The following SH3TC2 variants were observed in gnomAD, a reference collection of about 807,000 sequenced individuals.
SH3TC2 encodes SH3 domain and tetratricopeptide repeats 2.
In SH3TC2, 87 loss-of-function variants were observed where a neutral mutation model predicts 124.5. That is an observed-to-expected ratio of 0.70 (90% CI 0.59 to 0.84). SH3TC2 has a LOEUF of 0.84. Among genes scored for constraint, SH3TC2 ranks in the 40% least tolerant of loss-of-function variants. SH3TC2 has a pLI of 0.00. For missense variants in SH3TC2, 1,536 were observed against 1,566.4 expected (o/e 0.98, Z 0.33); for synonymous variants, 634 against 628.5 (o/e 1.01, Z -0.13).
chr5:149,015,796 C>T (rs139078813), intron 12 of SH3TC2, among the ~76,000 whole-genome samples: 117 of 152,324 alleles, frequency 7.7e-4, no homozygotes, highest in African/African-American at 2.6e-3. Flanking sequence ...CCAGCCTCCA[C>T]TAATTGGTCA....
At chr5:149,011,862 G>T (rs1416109360) in intron 13 of SH3TC2, among the ~76,000 whole-genome samples, 1 of 152,188 alleles carries the variant, frequency 6.6e-6, no homozygotes, top group Non-Finnish European at 1.5e-5. Context: ...TGTACAGATA[G>T]TAATAAAACA....
intron 1 of SH3TC2, among the ~76,000 whole-genome samples, chr5:149,053,719 C>T (rs756276707): frequency 2.6e-5 from 4 of 152,206 alleles, no homozygotes; most frequent in Non-Finnish European, 5.9e-5. Flanking sequence ...TGAGTTTTCA[C>T]TTTCCCCACT....
chr5:149,026,830 T>C (rs1020333399), intron 11 of SH3TC2, 30 bp downstream of exon 11: 4 of 1,614,074 alleles, frequency 2.5e-6, no homozygotes, highest in East Asian at 2.2e-5. Context: ...CTTTTCTCTA[T>C]AGCTTCCCAG....
intron 8 of SH3TC2, among the ~76,000 whole-genome samples, chr5:149,033,670 A>G (rs938767313): frequency 1.3e-5 from 2 of 152,200 alleles, no homozygotes; most frequent in East Asian, 1.9e-4. Flanking sequence ...AAGAGCAAAG[A>G]GCAGATTGAA....
At position 149,028,146 on chromosome 5, in the gene SH3TC2, C is replaced by T. The variant is rs80338923; in HGVS notation, c.1586G>A (p.Arg529His). Residue 529 changes from arginine (R) to histidine (H), a missense_variant, in exon 11 of 17, where the codon CGT becomes CAT. This residue lies in a region of SH3TC2 where 1,102 missense variants were observed against 1,098.6 expected (regional missense o/e 1.00). Transcript: ENST00000515425. ...KKSHMTWAHA[R>H]LCFLLGRLSI... ...CAGCCGGCCCAGGAGGAAGCAGAGACGGGCATGGGCCCAGGTCATGTGGCT... is the reference window on the plus strand; with the variant it reads ...CAGCCGGCCCAGGAGGAAGCAGAGATGGGCATGGGCCCAGGTCATGTGGCT... The T allele has an allele frequency of 4.2e-5, 67 of 1,614,004 alleles. No individual in the cohort carries two copies. Among genetic ancestry groups the T allele is most frequent in the Middle Eastern group, 1.6e-4 (1 of 6,082 alleles).
At position 148,999,072 on chromosome 5, in the gene SH3TC2, A is replaced by T. The variant is rs1753555375; in HGVS notation, c.*5639T>A. 6.6e-6 allele frequency among the ~76,000 whole-genome samples: 1 copy of T among 152,196 alleles called. No homozygotes were observed. Among genetic ancestry groups the T allele is most frequent in the South Asian group, 2.1e-4 (1 of 4,826 alleles). Reference sequence around the variant, plus strand: ...GACATTCATACCAAGCCATCCATACATCTCGTCTCAATTAAAAGTCTGAGC... The same window carrying T: ...GACATTCATACCAAGCCATCCATACTTCTCGTCTCAATTAAAAGTCTGAGC... On this transcript the variant is annotated 3_prime_UTR_variant, in exon 17 of 17. Coordinates refer to ENST00000515425, the MANE Select transcript of SH3TC2 (RefSeq NM_024577.4).
chr5:149,008,731 T>C, intron 15 of SH3TC2, 120 bp downstream of exon 15: 1 of 1,399,158 alleles, frequency 7.1e-7, no homozygotes. Context: ...CTCTGACAGT[T>C]GGACCTGGGA....
At chr5:149,045,446 A>G (rs895369618) in intron 3 of SH3TC2, 1 of 152,218 alleles carries the variant, frequency 6.6e-6, no homozygotes, top group African/African-American at 2.4e-5. Flanking sequence ...AAACATCTTT[A>G]TAGCTAAATC....
intron 12 of SH3TC2, among the ~76,000 whole-genome samples, chr5:149,025,481 G>A (rs2127396556): frequency 1.3e-5 from 2 of 152,280 alleles, no homozygotes; most frequent in East Asian, 3.9e-4. Context: ...CTTAACAGTA[G>A]CGATTTTAGA....
intron 12 of SH3TC2, among the ~76,000 whole-genome samples, 195 bp from the exon 13 acceptor site, chr5:149,012,929 T>C (rs1357293333): frequency 6.6e-6 from 1 of 152,132 alleles, no homozygotes; most frequent in Admixed American, 6.5e-5. Context: ...TTCTGTGCCT[T>C]GGTTTCCTTA....
chr5:149,000,738 AC>A lies in SH3TC2; in HGVS notation c.*3972del, dbSNP rs1374700205. ...TGCAACTAAGTCCTTGAGTCATGAG[AC>A]CCCCGCCTCAAGTACCACTGTCTTT... On this transcript the variant is annotated 3_prime_UTR_variant, in exon 17 of 17. Transcript: ENST00000515425. 6.6e-6 allele frequency among the ~76,000 whole-genome samples: 1 copy of A among 151,738 alleles called. No individual in the cohort carries two copies. The highest frequency in any genetic ancestry group is 2.4e-5 in the African/African-American group (1 of 41,334).
rs370115218 is a variant in SH3TC2, at chr5:149,012,634, G to T, written c.3154C>A (p.Arg1052=). Residue 1052 remains arginine, a synonymous_variant, in exon 13 of 17, where the codon CGA becomes AGA. Transcript: ENST00000515425. ...TCTTCCTGCATGAGGTAGTGGAGTC[G>T]CCCCGCCCCAAGCCAGGCCTCAGCA... is the stretch of plus-strand genomic sequence containing the variant. The part of the protein sequence containing the change: ...KAAEAWLGAG[R]LHYLMQEDEL... 2 of 1,614,004 alleles carry T rather than the reference G, an allele frequency of 1.2e-6. No homozygotes were observed. The highest frequency in any genetic ancestry group is 1.3e-5 in the African/African-American group (1 of 74,876).
At chr5:149,036,929 T>C (rs1754291969) in intron 8 of SH3TC2, among the ~76,000 whole-genome samples, 1 of 152,204 alleles carries the variant, frequency 6.6e-6, no homozygotes, top group Admixed American at 6.5e-5. Flanking sequence ...GGCTTCTCGC[T>C]GGTCTCCTGC....
intron 2 of SH3TC2, among the ~76,000 whole-genome samples, chr5:149,051,186 T>C (rs928839604): frequency 2.0e-5 from 3 of 152,194 alleles, no homozygotes; most frequent in Non-Finnish European, 4.4e-5. Flanking sequence ...CTTTGCGGGC[T>C]TCATCGATGT....
intron 13 of SH3TC2, among the ~76,000 whole-genome samples, chr5:149,012,362 G>A (rs1337113088): frequency 1.3e-5 from 2 of 152,174 alleles, no homozygotes. Flanking sequence ...GCACACATGT[G>A]TATGGGTCTC....
At position 149,002,950 on chromosome 5, in the gene SH3TC2, A is replaced by G. The variant is rs1030409179; in HGVS notation, c.*1761T>C. On this transcript the variant is annotated 3_prime_UTR_variant, in exon 17 of 17. Transcript: ENST00000515425. ...TTTAGGGTGCATTAAAATCACCAGG[A>G]AAGCTTGGACGAGTCAGCGTTCTGG... 18 of 153,068 alleles carry G rather than the reference A, an allele frequency of 1.2e-4. No individual in the cohort carries two copies. Among genetic ancestry groups the G allele is most frequent in the African/African-American group, 4.3e-4 (18 of 41,594 alleles). The allele number at this position is 153,068 out of a possible 1,614,324, so 9.5% of individuals were successfully genotyped here. A position where few individuals can be genotyped will look rare whatever the true frequency, so the allele number is the denominator to read the frequency against.
In SH3TC2 at chr5:149,028,270, C is replaced by G. The variant is rs1465767802; in HGVS notation, c.1462G>C (p.Asp488His). The part of the protein sequence containing the change: ...GYADHFKSLY[D>H]FSFSFLTSSF... Reference sequence around the variant, plus strand: ...GAAGTGAGGAAAGAGAAGGAGAAGTCATAGAGACTCTTAAAGTGGTCAGCA... The same window carrying G: ...GAAGTGAGGAAAGAGAAGGAGAAGTGATAGAGACTCTTAAAGTGGTCAGCA... The change falls in exon 11 of 17, where the codon GAC becomes CAC. Residue 488 changes from aspartate (D) to histidine (H), a missense_variant. By Grantham distance (81) the Asp-to-His change is moderately conservative. Transcript: ENST00000515425. 1 of 1,613,988 alleles carries G rather than the reference C, an allele frequency of 6.2e-7. No individual in the cohort carries two copies.
rs1318248917 is a variant in SH3TC2, at chr5:148,985,106, T to C, written c.*19605A>G. ...TTGGTTCTGACTCCACTTGACATCC[T>C]CAGAAAACAAACACTGAATAAGAAT... On this transcript the variant is annotated 3_prime_UTR_variant, in exon 17 of 17. Coordinates refer to ENST00000515425, the MANE Select transcript of SH3TC2 (RefSeq NM_024577.4). Among the ~76,000 whole-genome samples the C allele has an allele frequency of 6.7e-6, 1 of 150,202 alleles. No individual in the cohort carries two copies. The highest frequency in any genetic ancestry group is 6.6e-5 in the Admixed American group (1 of 15,086).
At position 148,996,035 on chromosome 5, in the gene SH3TC2, A is replaced by G. The variant is rs1454835361; in HGVS notation, c.*8676T>C. ...GGTGGGTGGATGATTTGAGCCCAGG[A>G]GTTTGAGACTAGCATGGGCAACATG... On this transcript the variant is annotated 3_prime_UTR_variant, in exon 17 of 17. Coordinates refer to ENST00000515425, the MANE Select transcript of SH3TC2 (RefSeq NM_024577.4). 1.3e-5 allele frequency among the ~76,000 whole-genome samples: 2 copies of G among 151,780 alleles called. No homozygotes were observed. The highest frequency in any genetic ancestry group is 1.3e-4 in the Admixed American group (2 of 15,198).
Sources: allele counts gnomAD v4.1 joint callset (sites outside exome capture counted in the v4.1 genomes callset), GRCh38; gene constraint gnomAD v4.1.1; regional missense constraint gnomAD v4.1.1; transcripts MANE v1.5; gene names NCBI Gene and HGNC (gene_info 2026-07-23, HGNC 2026-07-21).